The following LBP variants were observed in gnomAD, a reference collection of about 807,000 sequenced individuals.
LBP encodes lipopolysaccharide-binding protein.
In LBP, 53 loss-of-function variants were observed where a neutral mutation model predicts 56.6. The ratio of observed to expected loss-of-function variants is 0.94; its 90% CI spans 0.75 to 1.18. LBP has a LOEUF of 1.18. Ranked by LOEUF, LBP falls within the 50% of genes most tolerant of loss-of-function variation. The probability of loss-of-function intolerance (pLI) is 0.00; values close to 1 mark genes in which losing one functional copy is unlikely to be tolerated. For synonymous variants in LBP, 227 were observed against 247.5 expected, an observed-to-expected ratio of 0.92 and a Z score of 0.78; for missense variants, 601 against 598.3, an observed-to-expected ratio of 1.00 and a Z score of -0.05.
At chr20:38,354,550 C>A in intron 4 of LBP, 111 bp downstream of exon 4, 2 of 928,862 alleles carry the variant, frequency 2.2e-6, no homozygotes, top group Non-Finnish European at 3.1e-6. Flanking sequence ...CTTGCACAGG[C>A]ACTTGAAGAT....
chr20:38,370,719 C>T lies in LBP; in HGVS notation c.1150-19C>T. On this transcript the variant is annotated intron_variant, in intron 10 of 14. Transcript: ENST00000217407. ...AACCTTCATCACTTACACCTGCTTC[C>T]TTCTTCTGGCATTTCCAGGCCACTA... is the stretch of plus-strand genomic sequence containing the variant. 6.2e-7 allele frequency: 1 copy of T among 1,611,676 alleles called. No homozygotes were observed. The highest frequency in any genetic ancestry group is 8.5e-7 in the Non-Finnish European group (1 of 1,177,770).
At chr20:38,366,961 G>A in intron 9 of LBP, 133 bp downstream of exon 9, 1 of 810,952 alleles carries the variant, frequency 1.2e-6, no homozygotes, top group Non-Finnish European at 2.1e-6. Context: ...CTGAAGGCTG[G>A]GGTGCTGCTC....
intron 6 of LBP, among the ~76,000 whole-genome samples, chr20:38,362,688 C>G (rs922493355): frequency 2.0e-5 from 3 of 151,850 alleles, no homozygotes; most frequent in Non-Finnish European, 4.4e-5. Flanking sequence ...TGGTGCACAC[C>G]TATAATCCCA....
intron 10 of LBP, among the ~76,000 whole-genome samples, chr20:38,370,290 C>T (rs868016547): frequency 1.3e-4 from 20 of 152,178 alleles, no homozygotes; most frequent in Non-Finnish European, 2.5e-4. Flanking sequence ...GTGGGAGGAT[C>T]GCTTGAGCCC....
chr20:38,373,198 T>C (rs1171844041), intron 13 of LBP, 63 bp downstream of exon 13: 4 of 1,450,948 alleles, frequency 2.8e-6, no homozygotes, highest in Admixed American at 1.7e-5. Context: ...GGAAAGAGAG[T>C]TGGACTTGGA....
intron 6 of LBP, 101 bp downstream of exon 6, chr20:38,360,868 A>C (rs1422949042): frequency 2.2e-6 from 2 of 925,216 alleles, no homozygotes; most frequent in African/African-American, 1.7e-5. Context: ...AAATATAGAA[A>C]GTAAAAATTA....
chr20:38,363,833 G>A (rs1414837460), intron 6 of LBP, 142 bp from the exon 7 acceptor site: 5 of 633,078 alleles, frequency 7.9e-6, no homozygotes, highest in Non-Finnish European at 1.4e-5. Context: ...TCTTGAAGAA[G>A]CAATTCTTTG....
rs2076912735 is a variant in LBP at position 38,374,884 on chromosome 20, A to G, written c.1401+871A>G. 2.0e-5 allele frequency among the ~76,000 whole-genome samples: 3 copies of G among 150,204 alleles called. No individual in the cohort carries two copies. The South Asian group carries it at 6.4e-4, about 32-fold the overall frequency. ...CTGCAACCTCTGCCTCCCAGGTTCAAGAGATTCTTGAGCCTGAGCCTCTGG... is the reference window on the plus strand; with the variant it reads ...CTGCAACCTCTGCCTCCCAGGTTCAGGAGATTCTTGAGCCTGAGCCTCTGG... On this transcript the variant is annotated intron_variant, in intron 14 of 14. Coordinates refer to ENST00000217407, the MANE Select transcript of LBP (RefSeq NM_004139.5).
chr20:38,365,751 T>C (rs1428612444), intron 8 of LBP, among the ~76,000 whole-genome samples: 4 of 146,718 alleles, frequency 2.7e-5, no homozygotes, highest in South Asian at 4.2e-4. Flanking sequence ...TATATTTATA[T>C]GTGAATGAGG....
intron 12 of LBP, among the ~76,000 whole-genome samples, chr20:38,371,639 A>G (rs936053972): frequency 6.6e-5 from 10 of 152,226 alleles, no homozygotes; most frequent in African/African-American, 2.4e-4. Context: ...AAATAAACGA[A>G]AAAACTAAGA....
In LBP at chr20:38,374,949, A is replaced by AG. The variant is rs2076912960; in HGVS notation, c.1401+936_1401+937insG. 5.9e-5 allele frequency among the ~76,000 whole-genome samples: 5 copies of AG among 84,668 alleles called. No individual in the cohort carries two copies. The South Asian group carries it at 1.9e-3, about 32-fold the overall frequency. 55.5% of individuals were successfully genotyped at this position (84,668 alleles called of 152,430 possible). ...CAGGCTCCCGCCACCACTCCCAGCTAATTTTTTTTTTTTTTTTTTGTATTT... is the reference window on the plus strand; with the variant it reads ...CAGGCTCCCGCCACCACTCCCAGCTAGATTTTTTTTTTTTTTTTTTGTATTT... On this transcript the variant is annotated intron_variant, in intron 14 of 14. Transcript: ENST00000217407.
intron 10 of LBP, among the ~76,000 whole-genome samples, chr20:38,370,465 G>T (rs1362179933): frequency 6.6e-6 from 1 of 152,076 alleles, no homozygotes; most frequent in African/African-American, 2.4e-5. Context: ...AGCTTTCCAA[G>T]GGTAGGTACT....
intron 8 of LBP, 45 bp from the exon 9 acceptor site, chr20:38,366,724 T>G (rs770773278): frequency 1.9e-6 from 3 of 1,572,718 alleles, no homozygotes; most frequent in Non-Finnish European, 2.6e-6. Context: ...GACCTTCAGC[T>G]CCAGCGGGAG....
chr20:38,365,717 A>AATATATAT (rs1310925124), intron 8 of LBP, among the ~76,000 whole-genome samples: 25 of 43,688 alleles, frequency 5.7e-4, no homozygotes, highest in East Asian at 1.0e-3. Flanking sequence ...AAAAAAAAAA[A>AATATATAT]ATATATATAT....
At chr20:38,360,445 T>C (rs2076855747) in intron 5 of LBP, among the ~76,000 whole-genome samples, 1 of 152,182 alleles carries the variant, frequency 6.6e-6, no homozygotes, top group South Asian at 2.1e-4. Context: ...TCAGGCTGTG[T>C]CAGTGACTCC....
chr20:38,350,570 A>G lies in LBP; in HGVS notation c.240-241A>G, dbSNP rs528324846. The stretch of plus-strand genomic sequence containing the variant: ...AATTGCATCCCTTCCTCAAGGTTCT[A>G]TTTCCCCCTTTGTGGAAAGGGAGCA... On this transcript the variant is annotated intron_variant, in intron 2 of 14. Transcript: ENST00000217407. Among the ~76,000 whole-genome samples the G allele has an allele frequency of 2.0e-5, 3 of 152,258 alleles. No homozygotes were observed. In the East Asian group the frequency reaches 5.8e-4, roughly 29 times the overall value.
At position 38,365,696 on chromosome 20, in the gene LBP, CAAAAAAAAAA is replaced by C. The variant is rs1170058556; in HGVS notation, c.921+957_921+966del. ...TGGGCAACAGAGTGAGACTGCATCT[CAAAAAAAAAA>C]AAAAAAAAAAAATATATATATATAT... On this transcript the variant is annotated intron_variant, in intron 8 of 14. Coordinates refer to ENST00000217407, the MANE Select transcript of LBP (RefSeq NM_004139.5). 6.2e-3 allele frequency among the ~76,000 whole-genome samples: 643 copies of C among 103,702 alleles called. 3 individuals carry two copies. Among genetic ancestry groups the C allele is most frequent in the South Asian group, 0.01 (28 of 2,790 alleles). 68.0% of individuals were successfully genotyped at this position (103,702 alleles called of 152,430 possible). A position where few individuals can be genotyped will look rare whatever the true frequency, so the allele number is the denominator to read the frequency against.
intron 12 of LBP, 45 bp from the exon 13 acceptor site, chr20:38,373,027 G>T: frequency 6.5e-7 from 1 of 1,549,784 alleles, no homozygotes; most frequent in South Asian, 1.1e-5. Context: ...GAACCACCAT[G>T]TGGCCCTGTG....
chr20:38,350,359 T>C (rs60588211), intron 2 of LBP, among the ~76,000 whole-genome samples: 8,957 of 152,248 alleles, frequency 0.059, 590 homozygotes, highest in Middle Eastern at 0.16. Context: ...GCTGACTTTT[T>C]TGGGGTCTTA....
Sources: gnomAD v4.1 joint callset for allele counts (sites outside exome capture counted in the v4.1 genomes callset) on GRCh38, gnomAD v4.1.1 for gene constraint, MANE v1.5 for transcripts, NCBI Gene and HGNC (gene_info 2026-07-23, HGNC 2026-07-21) for gene names.